The following PZP variants were observed in gnomAD, a reference collection of about 807,000 sequenced individuals.
PZP encodes the protein PZP alpha-2-macroglobulin like.
A neutral mutation model predicts 179.8 loss-of-function variants in PZP; 150 were observed. That is an observed-to-expected ratio of 0.83 (90% CI 0.73 to 0.96). The LOEUF is 0.96. Among genes scored for constraint, PZP ranks in the 40% least tolerant of loss-of-function variants. The pLI is 0.00. For missense variants in PZP, 1,689 were observed against 1,764.0 expected, an observed-to-expected ratio of 0.96 and a Z score of 0.76; for synonymous variants, 624 against 652.3, an observed-to-expected ratio of 0.96 and a Z score of 0.66.
chr12:9,193,920 T>G (rs1943598084), intron 11 of PZP, among the ~76,000 whole-genome samples, 157 bp downstream of exon 11: 1 of 152,204 alleles, frequency 6.6e-6, no homozygotes, highest in Non-Finnish European at 1.5e-5. Flanking sequence ...AATGCCTTTA[T>G]TGTTTTTCAT....
rs1456599016 is a variant in PZP at position 9,194,176 on chromosome 12, A to G, written c.1155T>C (p.Asn385=). ...TTGCATTGGAGTAATAATTGGCGTCATTCACAGAGATGAAGAAGAGTTTAT... is the reference window on the plus strand; with the variant it reads ...TTGCATTGGAGTAATAATTGGCGTCGTTCACAGAGATGAAGAAGAGTTTAT... ...IPNKLFFISV[N]DANYYSNATT... Residue 385 remains asparagine (N), a synonymous_variant, in exon 11 of 36, where the codon AAT becomes AAC. Coordinates refer to ENST00000261336, the MANE Select transcript of PZP (RefSeq NM_002864.3). The G allele has an allele frequency of 1.2e-6, 2 of 1,614,052 alleles. No homozygotes were observed. Among genetic ancestry groups the G allele is most frequent in the Admixed American group, 3.3e-5 (2 of 60,028 alleles).
At chr12:9,179,298 A>G (rs936958120) in intron 15 of PZP, among the ~76,000 whole-genome samples, 3 of 152,092 alleles carry the variant, frequency 2.0e-5, no homozygotes, top group Admixed American at 2.0e-4. Flanking sequence ...TGATCCACCT[A>G]TATCCTTTTT....
rs1940624385 is a variant in PZP, at chr12:9,154,785, A to C, written c.3605T>G (p.Leu1202Arg). 2 of 1,613,994 alleles carry C rather than the reference A, an allele frequency of 1.2e-6. No individual in the cohort carries two copies. The highest frequency in any genetic ancestry group is 1.6e-4 in the Middle Eastern group (1 of 6,084). Residue 1202 changes from leucine to arginine, a missense_variant, in exon 29 of 36, where the codon CTT becomes CGT. Around this residue, in one of 3 missense-constraint regions of PZP, gnomAD observed 746 missense variants for 749.2 expected, o/e 1.00. Coordinates refer to ENST00000261336, the MANE Select transcript of PZP (RefSeq NM_002864.3). ...PQRPKAPVGHLYQTQAPSAEV... is the reference protein window; with the variant it reads ...PQRPKAPVGHRYQTQAPSAEV... The stretch of plus-strand genomic sequence containing the variant: ...AGCAGAGGGAGCCTGGGTTTGGTAA[A>C]GATGCCCCACTGGTGCCTTGGGTCT...
Position 9,170,941 on chromosome 12 carries a change from G to A in PZP, c.1840-1350C>T, listed in dbSNP as rs1941951097. On this transcript the variant is annotated intron_variant, in intron 15 of 35. Coordinates refer to ENST00000261336, the MANE Select transcript of PZP (RefSeq NM_002864.3). This position sits in a 1 kb window ranked among gnomAD's most constrained non-coding sequence, Gnocchi z 4.6. ...CAACCTGCTGGCTTTGGAGAATACA[G>A]GTGATCCAGGTGAGGAAGGATCCCA... Among the ~76,000 whole-genome samples the A allele has an allele frequency of 6.6e-6, 1 of 152,190 alleles. No individual in the cohort carries two copies. Among genetic ancestry groups the A allele is most frequent in the Non-Finnish European group, 1.5e-5 (1 of 68,042 alleles).
chr12:9,156,280 G>A (rs1195594140), intron 28 of PZP: 2 of 213,024 alleles, frequency 9.4e-6, no homozygotes, highest in East Asian at 2.2e-4. Context: ...CTTCAGTGAA[G>A]GCATCTCCAC....
chr12:9,165,452 G>A (rs939248495), intron 18 of PZP, 85 bp from the exon 19 acceptor site: 33 of 1,442,100 alleles, frequency 2.3e-5, no homozygotes, highest in South Asian at 4.9e-5. Flanking sequence ...TAAAGCTAAC[G>A]TCAAGAACTG....
chr12:9,144,315 G>A (rs769407371), downstream of PZP, among the ~76,000 whole-genome samples: 2 of 152,308 alleles, frequency 1.3e-5, no homozygotes, highest in Admixed American at 6.5e-5. Context: ...CCACTGGAGA[G>A]TAGCCCCAGC....
At chr12:9,148,128 T>A (rs986383521), downstream of PZP, among the ~76,000 whole-genome samples, 3 of 152,206 alleles carry the variant, frequency 2.0e-5, no homozygotes, top group Non-Finnish European at 4.4e-5. Flanking sequence ...GCAGAAAAAA[T>A]TGTGTATATT....
In PZP at chr12:9,168,965, A is replaced by G. The variant is rs1435939051; in HGVS notation, c.2011T>C (p.Leu671=). The change falls in exon 17 of 36, where the codon TTG becomes CTG. Residue 671 remains leucine (L), a synonymous_variant. Coordinates refer to ENST00000261336, the MANE Select transcript of PZP (RefSeq NM_002864.3). Reference sequence around the variant, plus strand: ...ATTTTTGAGTTAGTGAACACCTTCAATCCCATCCCCTGGAAAAAAATAATT... The same window carrying G: ...ATTTTTGAGTTAGTGAACACCTTCAGTCCCATCCCCTGGAAAAAAATAATT... ...DIYSFLKGMG[L]KVFTNSKIRK... 12 of 1,612,388 alleles carry G rather than the reference A, an allele frequency of 7.4e-6. No individual in the cohort carries two copies. The highest frequency in any genetic ancestry group is 3.3e-5 in the Admixed American group (2 of 59,990).
At chr12:9,185,933 G>A (rs756705662) in intron 13 of PZP, among the ~76,000 whole-genome samples, 8 of 151,218 alleles carry the variant, frequency 5.3e-5, no homozygotes, top group Admixed American at 2.6e-4. Flanking sequence ...TCAGCCTCCC[G>A]AGTAGCTGGG....
Position 9,163,788 on chromosome 12 carries a change from C to T in PZP, c.2616G>A (p.Gly872=). The T allele has an allele frequency of 6.2e-7, 1 of 1,610,552 alleles. No individual in the cohort carries two copies. Among genetic ancestry groups the T allele is most frequent in the Non-Finnish European group, 8.5e-7 (1 of 1,178,934 alleles). ...CTGCACTCACTGAGAAGTTCACATT[C>T]CCTAAAACAAGGAATATTGAAAACA... The part of the protein sequence containing the change: ...LSWTVTPKTL[G]NVNFSVSAEA... Residue 872 remains glycine, a splice_region_variant and synonymous_variant, in exon 21 of 36, where the codon GGG becomes GGA. Coordinates refer to ENST00000261336, the MANE Select transcript of PZP (RefSeq NM_002864.3).
intron 11 of PZP, 107 bp downstream of exon 11, chr12:9,193,970 A>T: frequency 8.3e-6 from 9 of 1,090,438 alleles, no homozygotes; most frequent in Non-Finnish European, 1.1e-5. Flanking sequence ...TCAAAGTTAG[A>T]TATCTTCTTA....
downstream of PZP, among the ~76,000 whole-genome samples, chr12:9,144,733 G>C (rs986693278): frequency 6.6e-6 from 1 of 152,162 alleles, no homozygotes; most frequent in Non-Finnish European, 1.5e-5. Flanking sequence ...TGTGGGGTTG[G>C]AATGTCTCTG....
At position 9,183,446 on chromosome 12, in the gene PZP, C is replaced by T. The variant is rs139340388; in HGVS notation, c.1547-1329G>A. Among the ~76,000 whole-genome samples the T allele has an allele frequency of 2.9e-4, 44 of 152,208 alleles. No homozygotes were observed. In the South Asian group the frequency reaches 5.0e-3, roughly 17 times the overall value. On this transcript the variant is annotated intron_variant, in intron 13 of 35. Coordinates refer to ENST00000261336, the MANE Select transcript of PZP (RefSeq NM_002864.3). ...ACAGGGTCTTGCTCTGTTGCCCAGGCTGAAATGCAGTGGTGCAATCATAGC... is the reference window on the plus strand; with the variant it reads ...ACAGGGTCTTGCTCTGTTGCCCAGGTTGAAATGCAGTGGTGCAATCATAGC...
intron 13 of PZP, among the ~76,000 whole-genome samples, chr12:9,184,027 A>G (rs1942942921): frequency 6.6e-6 from 1 of 152,240 alleles, no homozygotes; most frequent in Non-Finnish European, 1.5e-5. Context: ...CAACAAGGAA[A>G]GTGGGGTAGA....
At chr12:9,142,171 A>G in the PZP span, among the ~76,000 whole-genome samples, 2 of 152,312 alleles carry the variant, frequency 1.3e-5, no homozygotes, top group East Asian at 1.9e-4. Flanking sequence ...ATCAAAGATG[A>G]TAACAGTCCT....
At chr12:9,138,937 C>A in the PZP span, among the ~76,000 whole-genome samples, 3 of 150,278 alleles carry the variant, frequency 2.0e-5, no homozygotes, top group Non-Finnish European at 4.4e-5. Flanking sequence ...TTATTTATTT[C>A]TTCTCTAATT....
rs779646812 is a variant in PZP at position 9,160,414 on chromosome 12, C to T, written c.2949G>A (p.Met983Ile). Residue 983 changes from methionine (M) to isoleucine (I), a missense_variant, in exon 24 of 36, where the codon ATG becomes ATA. Physicochemically the swap from Met to Ile is conservative, Grantham distance 10. Coordinates refer to ENST00000261336, the MANE Select transcript of PZP (RefSeq NM_002864.3). ...QMPYGCGEQNMVLFAPNIYVL... is the reference protein window; with the variant it reads ...QMPYGCGEQNIVLFAPNIYVL... ...CATAGATGTTAGGAGCAAATAGGAC[C>T]ATGTTCTGTTCTCCACAGCCATATG... 1.2e-6 allele frequency: 2 copies of T among 1,613,856 alleles called. No individual in the cohort carries two copies. The highest frequency in any genetic ancestry group is 2.7e-5 in the African/African-American group (2 of 74,902).
chr12:9,162,599 G>A lies in PZP; in HGVS notation c.2786C>T (p.Ser929Leu). 1 of 1,585,210 alleles carries A rather than the reference G, an allele frequency of 6.3e-7. No homozygotes were observed. Among genetic ancestry groups the A allele is most frequent in the East Asian group, 2.2e-5 (1 of 44,688 alleles). Residue 929 changes from serine (S) to leucine (L), a missense_variant and splice_region_variant, in exon 22 of 36, where the codon TCA becomes TTA. Physicochemically the swap from Ser to Leu is moderately radical, Grantham distance 145 (BLOSUM62 -2). Transcript: ENST00000261336. ...EKTFSSMTCA[S>L]GANVSEQLSL... Reference sequence around the variant, plus strand: ...TGATTATGAAGATGGACTCTTACCTGAGGCACAGGTCATAGAACTGAAAGT... The same window carrying A: ...TGATTATGAAGATGGACTCTTACCTAAGGCACAGGTCATAGAACTGAAAGT...
Sources: gnomAD v4.1 joint callset for allele counts (sites outside exome capture counted in the v4.1 genomes callset) on GRCh38, gnomAD v4.1.1 for gene constraint, gnomAD v4.1.1 regional missense constraint, Gnocchi (gnomAD v3.1) non-coding constraint, MANE v1.5 for transcripts, NCBI Gene and HGNC (gene_info 2026-07-23, HGNC 2026-07-21) for gene names.